DMD: variants seen among roughly 807,000 people sequenced by gnomAD.
The protein encoded by DMD is dystrophin, also known as mutant dystrophin.
In DMD, 63 loss-of-function variants were observed where a neutral mutation model predicts 330.1. The ratio of observed to expected loss-of-function variants is 0.19; its 90% CI spans 0.16 to 0.24. DMD has a LOEUF of 0.24. DMD is among the 10% of genes least tolerant of loss of function. The pLI is 1.00. For synonymous variants in DMD, 1,223 were observed against 959.8 expected (o/e 1.27, Z -5.07); for missense variants, 3,344 against 2,684.1 (o/e 1.25, Z -5.43).
chrX:33,250,754 A>G (rs1418191226), intron 1 of DMD, among the ~76,000 whole-genome samples: 1 of 111,443 alleles, frequency 9.0e-6, no homozygotes, highest in East Asian at 2.8e-4. Context: ...TATCAAAACC[A>G]TTTAAAATAT....
At chrX:32,834,892 G>C (rs531187558) in intron 4 of DMD, among the ~76,000 whole-genome samples, 1 of 111,331 alleles carries the variant, frequency 9.0e-6, no homozygotes, top group East Asian at 2.8e-4. Flanking sequence ...TTCATAAAAT[G>C]TAAGCAAGGA....
intron 41 of DMD, among the ~76,000 whole-genome samples, chrX:32,330,133 A>G (rs1330500966): frequency 8.9e-6 from 1 of 112,343 alleles, no homozygotes; most frequent in Non-Finnish European, 1.9e-5. Context: ...GATTAAATAA[A>G]GGGTAAAAAT....
intron 13 of DMD, among the ~76,000 whole-genome samples, chrX:32,588,491 G>C (rs1377667305): frequency 1.8e-5 from 2 of 112,085 alleles, no homozygotes; most frequent in Non-Finnish European, 3.8e-5. Context: ...GCAGGTTGAG[G>C]GACATAAAGC....
chrX:32,343,234 T>C lies in DMD; in HGVS notation c.5639A>G (p.Tyr1880Cys). The C allele has an allele frequency of 8.3e-7, 1 of 1,208,770 alleles. No homozygotes were observed. Among genetic ancestry groups the C allele is most frequent in the African/African-American group, 1.7e-5 (1 of 57,701 alleles). Reference sequence around the variant, plus strand: ...ATCATCAGCCTGCCTCTTGTACTGATACCACTGATGAGAAATTTCTAGAGC... The same window carrying C: ...ATCATCAGCCTGCCTCTTGTACTGACACCACTGATGAGAAATTTCTAGAGC... Reference protein sequence around the residue: ...KKALEISHQWYQYKRQADDLL... With the variant: ...KKALEISHQWCQYKRQADDLL... Residue 1880 changes from tyrosine (Y) to cysteine (C), a missense_variant, in exon 40 of 79, where the codon TAT (tyrosine) becomes TGT (cysteine). By Grantham distance (194) the Tyr-to-Cys change is radical (BLOSUM62 -2). Coordinates refer to ENST00000357033, the MANE Select transcript of DMD (RefSeq NM_004006.3).
intron 37 of DMD, among the ~76,000 whole-genome samples, chrX:32,352,105 A>G (rs1418154581): frequency 2.7e-5 from 3 of 111,183 alleles, no homozygotes; most frequent in Non-Finnish European, 5.7e-5. Context: ...TTTTAGGTTT[A>G]TATAAGAACA....
At chrX:32,623,761 C>T (rs938682737) in intron 11 of DMD, among the ~76,000 whole-genome samples, 1 of 110,542 alleles carries the variant, frequency 9.0e-6, no homozygotes, top group African/African-American at 3.3e-5. Flanking sequence ...TCCTGGTCTC[C>T]AGCTATCCTC....
At chrX:31,451,601 G>T (rs2065759407) in intron 59 of DMD, among the ~76,000 whole-genome samples, 1 of 110,254 alleles carries the variant, frequency 9.1e-6, no homozygotes, top group Non-Finnish European at 1.9e-5. Flanking sequence ...CTTCTTAAGT[G>T]AATTTTCATT....
In DMD at chrX:32,630,962, C is replaced by G. The variant is rs36005976; in HGVS notation, c.1331+13170G>C. On this transcript the variant is annotated intron_variant, in intron 11 of 78. Transcript: ENST00000357033. ...CAGTATCGGCTTGTTTGTATCCATA[C>G]TTCTCAGGAGGGCTTTCCAGGTATT... 8.8e-3 allele frequency among the ~76,000 whole-genome samples: 977 copies of G among 111,349 alleles called. 5 individuals carry two copies. The highest frequency in any genetic ancestry group is 0.014 in the Non-Finnish European group (756 of 53,059).
At chrX:33,178,477 G>A (rs768530701) in intron 1 of DMD, among the ~76,000 whole-genome samples, 13 of 111,803 alleles carry the variant, frequency 1.2e-4, no homozygotes, top group Admixed American at 9.5e-5. Flanking sequence ...TCTGATACAC[G>A]CAGCCAAACC....
chrX:33,021,265 A>G (rs2093909057), intron 1 of DMD, among the ~76,000 whole-genome samples: 1 of 111,238 alleles, frequency 9.0e-6, no homozygotes, highest in Admixed American at 9.6e-5. Flanking sequence ...TCATGCTTCT[A>G]CAAATGATCT....
chrX:31,440,840 T>C lies in DMD; in HGVS notation c.9084+3641A>G, dbSNP rs964871746. Among the ~76,000 whole-genome samples, 50 of 112,413 alleles carry C rather than the reference T, an allele frequency of 4.4e-4. 1 individual carries two copies. The highest frequency in any genetic ancestry group is 3.8e-5 in the Non-Finnish European group (2 of 53,304). On this transcript the variant is annotated intron_variant, in intron 60 of 78. Transcript: ENST00000357033. ...AGAAAATTTCAAACAGGCAAACCAA[T>C]GTCTCTTACATTTCTATTAGAAGAT...
intron 44 of DMD, among the ~76,000 whole-genome samples, chrX:32,161,136 C>T (rs1288651607): frequency 1.8e-5 from 2 of 111,579 alleles, no homozygotes; most frequent in Non-Finnish European, 3.8e-5. Context: ...TCTATTTTAG[C>T]GATTCTGGGT....
chrX:32,811,751 AAC>A (rs1267646644), intron 6 of DMD, among the ~76,000 whole-genome samples: 1 of 112,498 alleles, frequency 8.9e-6, no homozygotes, highest in Non-Finnish European at 1.9e-5. Flanking sequence ...AATGTGAAAA[AAC>A]ACAGACAATA....
chrX:32,390,368 G>A (rs2097993262), intron 30 of DMD, among the ~76,000 whole-genome samples, 187 bp from the exon 31 acceptor site: 1 of 110,770 alleles, frequency 9.0e-6, no homozygotes, highest in Non-Finnish European at 1.9e-5. Context: ...GAGGCAGGTG[G>A]ATCACCTAAA....
At chrX:31,720,066 C>A (rs1162577427) in intron 52 of DMD, among the ~76,000 whole-genome samples, 1 of 111,860 alleles carries the variant, frequency 8.9e-6, no homozygotes, top group East Asian at 2.8e-4. Context: ...GATTGTTTTA[C>A]AGTAACAGGT....
chrX:32,401,753 G>T (rs753781691), intron 30 of DMD, among the ~76,000 whole-genome samples: 2 of 112,613 alleles, frequency 1.8e-5, no homozygotes, highest in Non-Finnish European at 3.8e-5. Context: ...AGATGCTTAA[G>T]GTGATAGACA....
chrX:31,120,866 TATCAATCAATCA>T lies in DMD; in HGVS notation c.*1041_*1052del, dbSNP rs71860126. 6 of 108,091 alleles carry T rather than the reference TATCAATCAATCA, an allele frequency of 5.6e-5. No individual in the cohort carries two copies. Among genetic ancestry groups the T allele is most frequent in the African/African-American group, 1.8e-4 (5 of 27,931 alleles). The allele number at this position is 108,091 out of a possible 1,213,427, so 8.9% of individuals were successfully genotyped here. A position where few individuals can be genotyped will look rare whatever the true frequency, so the allele number is the denominator to read the frequency against. ...ATTGCTAGCAGCAGGAAGCTGAATG[TATCAATCAATCA>T]ATCAATCAACCAACCAACCGATTAC... is the stretch of plus-strand genomic sequence containing the variant. On this transcript the variant is annotated 3_prime_UTR_variant, in exon 79 of 79. Transcript: ENST00000357033.
chrX:32,506,420 T>TAAAAAAAAAA (rs57359370), intron 18 of DMD, among the ~76,000 whole-genome samples: 1 of 71,490 alleles, frequency 1.4e-5, no homozygotes, highest in Non-Finnish European at 2.8e-5. Flanking sequence ...TACAAAATGC[T>TAAAAAAAAAA]AAAAAAAAAA....
chrX:32,270,077 GGTATCCTGTGA>G (rs1229270891), intron 43 of DMD, among the ~76,000 whole-genome samples: 1 of 112,103 alleles, frequency 8.9e-6, no homozygotes, highest in East Asian at 2.8e-4. Flanking sequence ...CTTCTTCAAG[GGTATCCTGTGA>G]GCTGTGATAG....
Sources: allele counts gnomAD v4.1 joint callset (sites outside exome capture counted in the v4.1 genomes callset), GRCh38; gene constraint gnomAD v4.1.1; transcripts MANE v1.5; gene names NCBI Gene and HGNC (gene_info 2026-07-23, HGNC 2026-07-21).